TMEM140: variants seen among roughly 807,000 people sequenced by gnomAD.
TMEM140 encodes the protein transmembrane protein 140.
For missense variants in TMEM140, 236 were observed against 228.5 expected (o/e 1.03, Z -0.21); for synonymous variants, 107 against 106.8 (o/e 1.00, Z -0.01).
At position 135,164,769 on chromosome 7, in the gene TMEM140, G is replaced by A. The variant is rs761708082; in HGVS notation, c.328G>A (p.Glu110Lys). The A allele has an allele frequency of 9.9e-6, 16 of 1,614,036 alleles. No homozygotes were observed. In the East Asian group the frequency reaches 1.8e-4, roughly 18 times the overall value. The change falls in exon 2 of 2, where the codon GAG (glutamate) becomes AAG (lysine). Residue 110 changes from glutamate (E) to lysine (K), a missense_variant. Transcript: ENST00000275767. Reference protein sequence around the residue: ...PLLLAQCNSDERAWRLAVGFL... With the variant: ...PLLLAQCNSDKRAWRLAVGFL... ...CCTCCTAGCCCAGTGCAACAGTGAT[G>A]AGAGAGCGTGGCGGCTGGCAGTGGG...
At chr7:135,159,918 T>C (rs1028796860) in intron 1 of TMEM140, among the ~76,000 whole-genome samples, 18 of 152,226 alleles carry the variant, frequency 1.2e-4, no homozygotes, top group African/African-American at 4.3e-4. Flanking sequence ...AGACAGGCAC[T>C]CTCTGAAACT....
intron 1 of TMEM140, among the ~76,000 whole-genome samples, chr7:135,160,549 C>G (rs1179712759): frequency 6.6e-6 from 1 of 152,144 alleles, no homozygotes; most frequent in East Asian, 1.9e-4. Flanking sequence ...TCTCCATACA[C>G]AAGTTCCTGA....
intron 1 of TMEM140, among the ~76,000 whole-genome samples, chr7:135,159,515 A>G (rs987245276): frequency 1.3e-5 from 2 of 152,094 alleles, no homozygotes. Flanking sequence ...AGCAGAAATC[A>G]TCTCCCTCCT....
In TMEM140 at chr7:135,165,134, G is replaced by A; in HGVS notation, c.*135G>A. On this transcript the variant is annotated 3_prime_UTR_variant, in exon 2 of 2. Coordinates refer to ENST00000275767, the MANE Select transcript of TMEM140 (RefSeq NM_018295.5). ...CCACTACAGAGGAGGTGGGGCCCCT[G>A]TGTCAAAGAGGCCGAGGGGCAGCAA... The A allele has an allele frequency of 2.8e-6, 3 of 1,084,826 alleles. No individual in the cohort carries two copies. Among genetic ancestry groups the A allele is most frequent in the South Asian group, 1.8e-5 (1 of 55,226 alleles). 67.2% of individuals were successfully genotyped at this position (1,084,826 alleles called of 1,614,324 possible).
intron 1 of TMEM140, among the ~76,000 whole-genome samples, chr7:135,158,307 C>T (rs1175863788): frequency 1.3e-5 from 2 of 152,248 alleles, no homozygotes; most frequent in African/African-American, 2.4e-5. Context: ...AGCCTGATTT[C>T]CCTGTTAATC....
At chr7:135,163,129 G>T (rs997927716) in intron 1 of TMEM140, among the ~76,000 whole-genome samples, 3 of 152,166 alleles carry the variant, frequency 2.0e-5, no homozygotes, top group Non-Finnish European at 4.4e-5. Context: ...ATAGTGTAAT[G>T]GATGATCCCA....
intron 1 of TMEM140, among the ~76,000 whole-genome samples, chr7:135,149,767 A>AT (rs1046052146): frequency 1.2e-4 from 18 of 151,956 alleles, no homozygotes; most frequent in African/African-American, 3.9e-4. Flanking sequence ...AAGTTACAGA[A>AT]TTTTTTTTCA....
chr7:135,162,607 T>C (rs1485170720), intron 1 of TMEM140, among the ~76,000 whole-genome samples: 1 of 152,168 alleles, frequency 6.6e-6, no homozygotes, highest in Non-Finnish European at 1.5e-5. Flanking sequence ...ATGCCCTTTA[T>C]AAAACCATCA....
At chr7:135,148,878 T>G (rs565888162) in intron 1 of TMEM140, among the ~76,000 whole-genome samples, 1 of 152,338 alleles carries the variant, frequency 6.6e-6, no homozygotes, top group South Asian at 2.1e-4. Flanking sequence ...TTGATGCATA[T>G]TTTAAGAGAT....
In TMEM140 at chr7:135,164,545, A is replaced by G. The variant is rs752366950; in HGVS notation, c.104A>G (p.Glu35Gly). 2 of 1,614,140 alleles carry G rather than the reference A, an allele frequency of 1.2e-6. No individual in the cohort carries two copies. The highest frequency in any genetic ancestry group is 3.3e-5 in the Admixed American group (2 of 60,028). ...CTGATGTTTTACGCTCTTCTCTGGG[A>G]GGCTGGCAACCTCACTGACCTGCCC... ...ICLMFYALLW[E>G]AGNLTDLPNL... The change falls in exon 2 of 2, where the codon GAG becomes GGG. Residue 35 changes from glutamate (E) to glycine (G), a missense_variant. Coordinates refer to ENST00000275767, the MANE Select transcript of TMEM140 (RefSeq NM_018295.5).
chr7:135,158,189 G>A (rs1236669169), intron 1 of TMEM140, among the ~76,000 whole-genome samples: 1 of 151,834 alleles, frequency 6.6e-6, no homozygotes, highest in South Asian at 2.1e-4. Context: ...GGTCCCTCCA[G>A]GCAGGCAGCA....
chr7:135,154,986 T>A (rs1585347317), intron 1 of TMEM140, among the ~76,000 whole-genome samples: 1 of 152,218 alleles, frequency 6.6e-6, no homozygotes, highest in African/African-American at 2.4e-5. Context: ...CTTTCTTTAG[T>A]GATATTTGTT....
intron 1 of TMEM140, among the ~76,000 whole-genome samples, chr7:135,159,821 A>T (rs1299747392): frequency 6.6e-6 from 1 of 152,258 alleles, no homozygotes; most frequent in Non-Finnish European, 1.5e-5. Context: ...TTTACTTATT[A>T]TGAAGAAAAA....
intron 1 of TMEM140, 57 bp from the exon 2 acceptor site, chr7:135,164,361 C>G: frequency 1.5e-6 from 2 of 1,376,750 alleles, no homozygotes; most frequent in Non-Finnish European, 2.0e-6. Context: ...ATGAGCTTGT[C>G]TGGACACAGG....
chr7:135,149,784 T>C (rs1829626672), intron 1 of TMEM140, among the ~76,000 whole-genome samples: 1 of 152,234 alleles, frequency 6.6e-6, no homozygotes. Flanking sequence ...TTCATGTTAG[T>C]TAACTACTTT....
chr7:135,149,211 C>T (rs1421812752), intron 1 of TMEM140, among the ~76,000 whole-genome samples: 2 of 151,924 alleles, frequency 1.3e-5, no homozygotes, highest in Non-Finnish European at 2.9e-5. Context: ...AAATGTAGCA[C>T]ATAATTCTAA....
Position 135,163,149 on chromosome 7 carries a change from T to C in TMEM140, c.-24-1269T>C, listed in dbSNP as rs117735297. ...GTAATGGATGATCCCACATGAACTA[T>C]TGCACAGCCATTGATCATGTTTTTG... On this transcript the variant is annotated intron_variant, in intron 1 of 1. Coordinates refer to ENST00000275767, the MANE Select transcript of TMEM140 (RefSeq NM_018295.5). 2.5e-3 allele frequency among the ~76,000 whole-genome samples: 381 copies of C among 152,334 alleles called. 1 individual carries two copies. The highest frequency in any genetic ancestry group is 3.7e-3 in the Non-Finnish European group (249 of 68,022).
chr7:135,160,759 G>A (rs1040734133), intron 1 of TMEM140, among the ~76,000 whole-genome samples: 1 of 150,900 alleles, frequency 6.6e-6, no homozygotes, highest in African/African-American at 2.4e-5. Flanking sequence ...AAAAAAAAGA[G>A]CCCCTACTGT....
intron 1 of TMEM140, among the ~76,000 whole-genome samples, chr7:135,163,745 T>C (rs1024471138): frequency 2.0e-5 from 3 of 152,248 alleles, no homozygotes; most frequent in Admixed American, 6.5e-5. Context: ...GAGTATATGA[T>C]GGGATTTCAT....
Sources: gnomAD v4.1 joint callset for allele counts (sites outside exome capture counted in the v4.1 genomes callset) on GRCh38, gnomAD v4.1.1 for gene constraint, MANE v1.5 for transcripts, NCBI Gene and HGNC (gene_info 2026-07-23, HGNC 2026-07-21) for gene names.